The following CSF2RA variants were observed in gnomAD, a reference collection of about 807,000 sequenced individuals.
CSF2RA encodes the protein colony stimulating factor 2 receptor subunit alpha.
Under a neutral mutation model 51.6 loss-of-function variants are expected in CSF2RA, and 42 were observed. The ratio of observed to expected loss-of-function variants is 0.81; its 90% confidence interval spans 0.64 to 1.05. CSF2RA has a LOEUF of 1.05. Among genes scored for constraint, CSF2RA ranks in the 50% least tolerant of loss-of-function variants. The pLI, the probability that CSF2RA is intolerant of heterozygous loss-of-function variation, is 0.00. For synonymous variants in CSF2RA, 222 were observed against 193.0 expected, an observed-to-expected ratio of 1.15 and a Z score of -1.24; for missense variants, 530 against 501.1, an observed-to-expected ratio of 1.06 and a Z score of -0.55.
Position 1,290,556 on chromosome X carries a change from A to T in CSF2RA, c.646+47A>T, listed in dbSNP as rs1352901325. The T allele has an allele frequency of 3.8e-6, 6 of 1,592,924 alleles. No individual in the cohort carries two copies. In the East Asian group the frequency reaches 1.3e-4, roughly 36 times the overall value. ...TTCCTATTGTTTATAGGTGAAATGGAATTTGCCTTAAAATCTGTGTAACTG... is the reference window on the plus strand; with the variant it reads ...TTCCTATTGTTTATAGGTGAAATGGTATTTGCCTTAAAATCTGTGTAACTG... On this transcript the variant is annotated intron_variant, in intron 7 of 12. Transcript: ENST00000381529.
downstream of CSF2RA, among the ~76,000 whole-genome samples, chrX:1,314,535 A>ACCTGCCCAACCCCACTGTG (rs2084409349): frequency 8.8e-5 from 9 of 101,822 alleles, no homozygotes; most frequent in Non-Finnish European, 1.4e-4. Context: ...ATCCCACTGC[A>ACCTGCCCAACCCCACTGTG]CCTGCCCAAT....
In CSF2RA at chrX:1,305,427, C is replaced by A. The variant is rs1380463455; in HGVS notation, c.1044-19C>A. On this transcript the variant is annotated intron_variant, in intron 11 of 12. Coordinates refer to ENST00000381529, the MANE Select transcript of CSF2RA (RefSeq NM_172245.4). ...TGACCCGGGGTTCATTCTCTTCACA[C>A]TTTTTCTCTGTGTCTCAGGTTCCTT... 6.2e-7 allele frequency: 1 copy of A among 1,613,870 alleles called. No homozygotes were observed. Among genetic ancestry groups the A allele is most frequent in the South Asian group, 1.1e-5 (1 of 91,076 alleles).
chrX:1,282,917 C>G (rs1485800158), intron 3 of CSF2RA, 138 bp downstream of exon 3: 1 of 807,042 alleles, frequency 1.2e-6, no homozygotes, highest in Non-Finnish European at 2.2e-6. Context: ...ACCAGCCAAC[C>G]CACCAGAAGC....
intron 10 of CSF2RA, chrX:1,302,821 G>A: frequency 3.2e-6 from 1 of 317,384 alleles, no homozygotes; most frequent in Non-Finnish European, 5.6e-6. Context: ...AGCCTCCTGA[G>A]TAGCTACGAT....
intron 3 of CSF2RA, 82 bp downstream of exon 3, chrX:1,282,861 G>C: frequency 8.5e-7 from 1 of 1,182,068 alleles, no homozygotes. Context: ...GGATACCTGG[G>C]TCCATCTGCA....
At chrX:1,319,714 G>GTTT in the CSF2RA span, among the ~76,000 whole-genome samples, 2,068 of 121,292 alleles carry the variant, frequency 0.017, 95 homozygotes, top group African/African-American at 0.056. Context: ...CGCCTTTGCT[G>GTTT]TTTTTTTTTT....
intron 2 of CSF2RA, among the ~76,000 whole-genome samples, chrX:1,277,878 G>A (rs766380071): frequency 6.8e-6 from 1 of 148,086 alleles, no homozygotes; most frequent in Admixed American, 6.9e-5. Flanking sequence ...TCGGGAGGCT[G>A]AGGCAGTAGA....
intron 1 of CSF2RA, among the ~76,000 whole-genome samples, chrX:1,272,400 G>C (rs1358010443): frequency 5.3e-5 from 8 of 150,888 alleles, no homozygotes; most frequent in Non-Finnish European, 1.0e-4. Flanking sequence ...AAAGGTTATA[G>C]GGTTGGGGGG....
At chrX:1,286,402 C>A (rs1330348312) in intron 4 of CSF2RA, among the ~76,000 whole-genome samples, 1 of 151,978 alleles carries the variant, frequency 6.6e-6, no homozygotes, top group East Asian at 1.9e-4. Context: ...AACCCCATCT[C>A]TACTAAAAAT....
At chrX:1,275,086 GT>G (rs1391300834) in intron 2 of CSF2RA, among the ~76,000 whole-genome samples, 1,370 of 79,732 alleles carry the variant, frequency 0.017, 28 homozygotes, top group African/African-American at 0.047. Context: ...GCATGAACCT[GT>G]CAAAAAAAAA....
At chrX:1,301,144 C>G in intron 10 of CSF2RA, among the ~76,000 whole-genome samples, 1 of 147,550 alleles carries the variant, frequency 6.8e-6, no homozygotes, top group Admixed American at 6.7e-5. Context: ...CAGCGTGAGA[C>G]TCCGTCTCAA....
the CSF2RA span, among the ~76,000 whole-genome samples, chrX:1,323,507 T>C: frequency 6.6e-6 from 1 of 152,138 alleles, no homozygotes; most frequent in Non-Finnish European, 1.5e-5. Context: ...ATCTGGGTGG[T>C]GGCCACAAGG....
the CSF2RA span, among the ~76,000 whole-genome samples, chrX:1,323,167 A>AAATAAAATAAAATAAAATAAAAT: frequency 6.6e-6 from 1 of 150,860 alleles, no homozygotes; most frequent in Admixed American, 6.6e-5. Flanking sequence ...TTATAAAATA[A>AAATAAAATAAAATAAAATAAAAT]AATAAAATAA....
At chrX:1,307,957 C>G (rs770304605) in intron 12 of CSF2RA, among the ~76,000 whole-genome samples, 1 of 151,420 alleles carries the variant, frequency 6.6e-6, no homozygotes, top group East Asian at 2.0e-4. Flanking sequence ...CCCTTCCCCC[C>G]TTCCCCTTTA....
chrX:1,309,792 G>T lies in CSF2RA; in HGVS notation c.*313G>T, dbSNP rs1381889808. 1 of 629,156 alleles carries T rather than the reference G, an allele frequency of 1.6e-6. No homozygotes were observed. Among genetic ancestry groups the T allele is most frequent in the African/African-American group, 1.8e-5 (1 of 54,796 alleles). The allele number at this position is 629,156 out of a possible 1,614,324, so 39.0% of individuals were successfully genotyped here. A position where few individuals can be genotyped will look rare whatever the true frequency, so the allele number is the denominator to read the frequency against. ...CATCCCAGCTACTTGGGAGGCTGAG[G>T]CAGGAGAATTGCTTGAACCCGTGAG... On this transcript the variant is annotated 3_prime_UTR_variant, in exon 13 of 13. Transcript: ENST00000381529.
chrX:1,324,360 GAGAA>G, the CSF2RA span, among the ~76,000 whole-genome samples: 2 of 135,414 alleles, frequency 1.5e-5, no homozygotes, highest in Non-Finnish European at 3.2e-5. Flanking sequence ...GAAGGAAAAA[GAGAA>G]AGGAAAGAAA....
At chrX:1,307,344 C>A (rs28700103) in intron 12 of CSF2RA, among the ~76,000 whole-genome samples, 1 of 151,660 alleles carries the variant, frequency 6.6e-6, no homozygotes, top group Admixed American at 6.6e-5. Context: ...TGAGGCCCAC[C>A]CTTCCCCCTT....
the CSF2RA span, among the ~76,000 whole-genome samples, chrX:1,315,415 G>A: frequency 4.0e-3 from 615 of 151,962 alleles, 3 homozygotes; most frequent in East Asian, 0.023. Context: ...ATTTTATTTT[G>A]TTTTAAGAGA....
chrX:1,273,824 T>G (rs112215429), intron 1 of CSF2RA, among the ~76,000 whole-genome samples: 65,857 of 146,628 alleles, frequency 0.45, 16,476 homozygotes, highest in Non-Finnish European at 0.57. Context: ...GGTCTCGATC[T>G]CCTGGCCTCA....
Sources: allele counts gnomAD v4.1 joint callset (sites outside exome capture counted in the v4.1 genomes callset), GRCh38; gene constraint gnomAD v4.1.1; transcripts MANE v1.5; gene names NCBI Gene and HGNC (gene_info 2026-07-23, HGNC 2026-07-21).